LIMS1: variants seen among roughly 807,000 people sequenced by gnomAD.
LIMS1 encodes LIM zinc finger domain containing 1.
A neutral mutation model predicts 44.1 loss-of-function variants in LIMS1; 18 were observed. The observed-to-expected ratio is 0.41, with a 90% CI of 0.28 to 0.61. The LOEUF (loss-of-function observed/expected upper bound fraction) is 0.61. LIMS1 is among the 20% of genes least tolerant of loss of function. The pLI, the probability that LIMS1 is intolerant of heterozygous loss-of-function variation, is 0.32. For missense variants in LIMS1, 201 were observed against 422.0 expected, an observed-to-expected ratio of 0.48 and a Z score of 4.59; for synonymous variants, 93 against 149.1, an observed-to-expected ratio of 0.62 and a Z score of 2.74.
chr2:108,560,673 C>A (rs547046619), intron 1 of LIMS1, among the ~76,000 whole-genome samples: 1 of 152,052 alleles, frequency 6.6e-6, no homozygotes, highest in Admixed American at 6.6e-5. Flanking sequence ...CTGCTAAACA[C>A]AAACACACAC....
intron 1 of LIMS1, among the ~76,000 whole-genome samples, chr2:108,552,769 G>A (rs1392447698): frequency 1.3e-5 from 2 of 151,826 alleles, no homozygotes; most frequent in Admixed American, 1.3e-4. Context: ...GTAGAGATAA[G>A]GTTGCACCGT....
At chr2:108,536,417 C>T (rs943100008) in intron 1 of LIMS1, among the ~76,000 whole-genome samples, 1 of 152,252 alleles carries the variant, frequency 6.6e-6, no homozygotes, top group Non-Finnish European at 1.5e-5. Context: ...TAAGTGGAAT[C>T]ATACGCTATT....
rs11903858 is a variant in LIMS1, at chr2:108,683,690, A to T, written c.900-195A>T. ...AACCAATTTATAAGGACTTTTTTTT[A>T]AAATTATACTGAATTTTTATATATA... is the stretch of plus-strand genomic sequence containing the variant. On this transcript the variant is annotated intron_variant, in intron 9 of 9. Coordinates refer to ENST00000544547, the Ensembl canonical transcript of LIMS1. Among the ~76,000 whole-genome samples the T allele has an allele frequency of 5.6e-3, 855 of 152,130 alleles. 8 individuals are homozygous for T. Among genetic ancestry groups the T allele is most frequent in the African/African-American group, 0.019 (775 of 41,542 alleles).
chr2:108,615,442 C>T (rs999042910), intron 1 of LIMS1, among the ~76,000 whole-genome samples: 1 of 152,142 alleles, frequency 6.6e-6, no homozygotes, highest in Admixed American at 6.5e-5. Flanking sequence ...GAGGAGGACC[C>T]TCTGTTCTCT....
At chr2:108,654,351 A>G (rs1690703345) in intron 1 of LIMS1, among the ~76,000 whole-genome samples, 1 of 151,900 alleles carries the variant, frequency 6.6e-6, no homozygotes, top group African/African-American at 2.4e-5. Context: ...CCAGTAGAAG[A>G]GTTATAACTA....
At chr2:108,575,713 C>T (rs1028396086) in intron 1 of LIMS1, among the ~76,000 whole-genome samples, 1 of 152,126 alleles carries the variant, frequency 6.6e-6, no homozygotes. Flanking sequence ...TATTTTTATT[C>T]TTTAAAGTAT....
At chr2:108,659,662 G>C in exon 2 of LIMS1, 3 of 1,612,286 alleles carry the variant, frequency 1.9e-6, no homozygotes, top group East Asian at 2.2e-5. Flanking sequence ...GCGGCTTTGC[G>C]CCCGCTGAGA....
At chr2:108,601,839 G>A (rs1453936832) in intron 1 of LIMS1, among the ~76,000 whole-genome samples, 1 of 152,184 alleles carries the variant, frequency 6.6e-6, no homozygotes, top group African/African-American at 2.4e-5. Flanking sequence ...TTCTATTTCT[G>A]TGAAGAATGT....
exon 10 of LIMS1, chr2:108,686,964 G>A (rs902756577): frequency 6.6e-6 from 1 of 152,166 alleles, no homozygotes; most frequent in African/African-American, 2.4e-5. Flanking sequence ...TTCTTAGCAA[G>A]TGTAACATAA....
chr2:108,564,330 G>A (rs960778806), intron 1 of LIMS1, among the ~76,000 whole-genome samples: 1 of 152,180 alleles, frequency 6.6e-6, no homozygotes, highest in African/African-American at 2.4e-5. Context: ...ATAGACTACA[G>A]TGTAGTGTGA....
chr2:108,551,881 ATATG>A (rs1282023610), intron 1 of LIMS1, among the ~76,000 whole-genome samples: 1 of 145,614 alleles, frequency 6.9e-6, no homozygotes, highest in Non-Finnish European at 1.5e-5. Context: ...ACATATGTAT[ATATG>A]TGTATATACA....
At chr2:108,628,089 T>A (rs1377295648) in intron 1 of LIMS1, among the ~76,000 whole-genome samples, 1 of 152,230 alleles carries the variant, frequency 6.6e-6, no homozygotes, top group Non-Finnish European at 1.5e-5. Context: ...TGCTGAGTGT[T>A]CTTGACTTGC....
At chr2:108,534,356 G>A (rs1218251778) in exon 1 of LIMS1, 1 of 228,848 alleles carries the variant, frequency 4.4e-6, no homozygotes, top group Non-Finnish European at 8.2e-6. Context: ...TCCTTGCCCA[G>A]CCGCTCCCGC....
intron 9 of LIMS1, chr2:108,681,361 G>A (rs1366421626): frequency 3.0e-6 from 3 of 984,272 alleles, no homozygotes; most frequent in African/African-American, 1.8e-5. Flanking sequence ...TTGTGGTCAT[G>A]TATTTCACTT....
At chr2:108,537,872 G>GA (rs1466677269) in intron 1 of LIMS1, among the ~76,000 whole-genome samples, 20 of 152,312 alleles carry the variant, frequency 1.3e-4, no homozygotes, top group African/African-American at 4.8e-4. Context: ...CTGGGTCAGA[G>GA]AAACTTCCAT....
intron 1 of LIMS1, among the ~76,000 whole-genome samples, chr2:108,556,537 G>A (rs187513060): frequency 6.6e-6 from 1 of 152,192 alleles, no homozygotes; most frequent in Non-Finnish European, 1.5e-5. Flanking sequence ...CTGTCAAACT[G>A]TTGAAAAGTT....
At chr2:108,542,083 G>GA (rs1256135142) in intron 1 of LIMS1, among the ~76,000 whole-genome samples, 2 of 152,150 alleles carry the variant, frequency 1.3e-5, no homozygotes, top group African/African-American at 2.4e-5. Context: ...TTAGTGAATC[G>GA]AAAAGTTCAG....
At chr2:108,632,758 C>T (rs1689005087) in intron 1 of LIMS1, among the ~76,000 whole-genome samples, 1 of 152,092 alleles carries the variant, frequency 6.6e-6, no homozygotes, top group Admixed American at 6.5e-5. Flanking sequence ...GGGATTGTGG[C>T]CTCAGAGAAC....
intron 1 of LIMS1, among the ~76,000 whole-genome samples, chr2:108,538,321 G>GCTT (rs1684208542): frequency 6.6e-6 from 1 of 152,234 alleles, no homozygotes; most frequent in Non-Finnish European, 1.5e-5. Context: ...CTGCAGGAAT[G>GCTT]AGTAAGGGAG....
Sources: gnomAD v4.1 joint callset for allele counts (sites outside exome capture counted in the v4.1 genomes callset) on GRCh38, gnomAD v4.1.1 for gene constraint, MANE v1.5 for transcripts, NCBI Gene and HGNC (gene_info 2026-07-23, HGNC 2026-07-21) for gene names.